Variants in INTS2 observed in about 807,000 individuals in gnomAD.
INTS2 encodes KIAA1287.
Under a neutral mutation model 139.6 loss-of-function variants are expected in INTS2, and 57 were observed. The observed-to-expected ratio is 0.41, with a 90% confidence interval of 0.33 to 0.51. The LOEUF is 0.51. INTS2 is among the 20% of genes least tolerant of loss of function. INTS2 has a pLI of 0.28. For missense variants in INTS2, 1,196 were observed against 1,436.7 expected (o/e 0.83, Z 2.71); for synonymous variants, 473 against 493.4 (o/e 0.96, Z 0.55).
chr17:61,911,893 G>C (rs1415308235), intron 6 of INTS2, 47 bp downstream of exon 6: 1 of 1,580,010 alleles, frequency 6.3e-7, no homozygotes, highest in East Asian at 2.2e-5. Context: ...AAGAGTTCTT[G>C]GACCTAATAT....
rs539808370 is a variant in INTS2, at chr17:61,867,752, T to G, written c.3422-26A>C. On this transcript the variant is annotated intron_variant, in intron 24 of 24. Transcript: ENST00000251334. The surrounding 1 kb of genome is among the most constrained non-coding windows in gnomAD (Gnocchi z 5.6). Reference sequence around the variant, plus strand: ...CTACAACATAAGGGAAAAAAAACATTAAGGCCAAGAAATTTGGAAAGGAAT... The same window carrying G: ...CTACAACATAAGGGAAAAAAAACATGAAGGCCAAGAAATTTGGAAAGGAAT... 2.6e-6 allele frequency: 4 copies of G among 1,565,676 alleles called. No individual in the cohort carries two copies. The African/African-American group carries it at 5.5e-5, about 22-fold the overall frequency.
rs1432692678 is a variant in INTS2, at chr17:61,869,530, G to A, written c.3031-150C>T. The A allele has an allele frequency of 1.2e-6, 1 of 814,128 alleles. No homozygotes were observed. Among genetic ancestry groups the A allele is most frequent in the Non-Finnish European group, 1.9e-6 (1 of 525,324 alleles). The allele number at this position is 814,128 out of a possible 1,614,324, so 50.4% of individuals were successfully genotyped here. ...ATGTAACCTGGCATTTCACTTTTCT[G>A]ATGCACTAGAATAGAGATTAAACTA... On this transcript the variant is annotated intron_variant, in intron 21 of 24. Coordinates refer to ENST00000251334, the MANE Select transcript of INTS2 (RefSeq NM_001351695.2). This position sits in a 1 kb window ranked among gnomAD's most constrained non-coding sequence, Gnocchi z 5.4.
chr17:61,881,234 C>T (rs1042745461), intron 16 of INTS2, 63 bp from the exon 17 acceptor site: 20 of 1,280,694 alleles, frequency 1.6e-5, no homozygotes, highest in Non-Finnish European at 2.2e-5. Context: ...CTTCCCCACC[C>T]CTCTCATTTT....
intron 5 of INTS2, among the ~76,000 whole-genome samples, chr17:61,914,159 C>T (rs567902759): frequency 1.3e-5 from 2 of 150,910 alleles, no homozygotes; most frequent in East Asian, 3.9e-4. Flanking sequence ...AAGATATGGA[C>T]AGATTAAAGA....
intron 16 of INTS2, among the ~76,000 whole-genome samples, chr17:61,884,221 T>A (rs994897246): frequency 5.9e-5 from 9 of 151,886 alleles, no homozygotes; most frequent in African/African-American, 2.2e-4. Flanking sequence ...CCGGGCATGG[T>A]GGCTCACTCC....
At chr17:61,914,859 G>A (rs372419826) in intron 5 of INTS2, among the ~76,000 whole-genome samples, 8 of 150,610 alleles carry the variant, frequency 5.3e-5, no homozygotes, top group African/African-American at 2.0e-4. Flanking sequence ...GCGTGACAGA[G>A]CGAGACACTA....
In INTS2 at chr17:61,867,794, A is replaced by C; in HGVS notation, c.3421+39T>G. The C allele has an allele frequency of 6.4e-7, 1 of 1,560,100 alleles. No individual in the cohort carries two copies. Among genetic ancestry groups the C allele is most frequent in the Non-Finnish European group, 8.7e-7 (1 of 1,155,434 alleles). ...GAAAGGAATTTGGCCTTTTTGTTTGAGATATTAAGATAACCCTTGAAAATA... is the reference window on the plus strand; with the variant it reads ...GAAAGGAATTTGGCCTTTTTGTTTGCGATATTAAGATAACCCTTGAAAATA... On this transcript the variant is annotated intron_variant, in intron 24 of 24. Coordinates refer to ENST00000251334, the MANE Select transcript of INTS2 (RefSeq NM_001351695.2). This position sits in a 1 kb window ranked among gnomAD's most constrained non-coding sequence, Gnocchi z 5.6.
chr17:61,911,609 C>G lies in INTS2; in HGVS notation c.865G>C (p.Asp289His). The change falls in exon 7 of 25, where the codon GAC becomes CAC. Residue 289 changes from aspartate (D) to histidine (H), a missense_variant. Transcript: ENST00000251334. Reference protein sequence around the residue: ...KNEACEDGVSDLVCFVSGLLL... With the variant: ...KNEACEDGVSHLVCFVSGLLL... Reference sequence around the variant, plus strand: ...AAACCACTTACAAAACAAACCAAGTCACTCACTCCATCCTCACAAGCTTCA... The same window carrying G: ...AAACCACTTACAAAACAAACCAAGTGACTCACTCCATCCTCACAAGCTTCA... The G allele has an allele frequency of 6.2e-7, 1 of 1,613,960 alleles. No individual in the cohort carries two copies. The highest frequency in any genetic ancestry group is 2.2e-5 in the East Asian group (1 of 44,888).
At chr17:61,906,378 T>C (rs1345545961) in intron 8 of INTS2, among the ~76,000 whole-genome samples, 1 of 152,216 alleles carries the variant, frequency 6.6e-6, no homozygotes, top group East Asian at 1.9e-4. Flanking sequence ...CTCTGCTATA[T>C]GTACATGAAT....
chr17:61,919,362 C>G (rs1234343342), intron 5 of INTS2, 38 bp downstream of exon 5: 3 of 1,006,124 alleles, frequency 3.0e-6, no homozygotes, highest in Non-Finnish European at 4.6e-6. Context: ...CATGTCCAAG[C>G]AAGTCTTTTC....
Position 61,897,684 on chromosome 17 carries a change from C to A in INTS2, c.1363G>T (p.Glu455Ter). 6.2e-7 allele frequency: 1 copy of A among 1,606,928 alleles called. No homozygotes were observed. Among genetic ancestry groups the A allele is most frequent in the Non-Finnish European group, 8.5e-7 (1 of 1,176,314 alleles). Residue 455 changes from glutamate (E) to a stop codon, truncating the protein, a stop_gained, in exon 10 of 25, where the codon GAA (glutamate) becomes TAA (stop). Coordinates refer to ENST00000251334, the MANE Select transcript of INTS2 (RefSeq NM_001351695.2). LOFTEE classifies it high-confidence loss of function. The surrounding 1 kb of genome is among the most constrained non-coding windows in gnomAD (Gnocchi z 4.4). Reference protein sequence around the residue: ...VVWLSWMIKEEAYFESTSGVS... With the variant: ...VVWLSWMIKE ...TTATCTTACCTCTCAAAATACGCTTCTTCTTTTATCATCCAACTTAGCCAC... is the reference window on the plus strand; with the variant it reads ...TTATCTTACCTCTCAAAATACGCTTATTCTTTTATCATCCAACTTAGCCAC...
chr17:61,896,252 CA>C (rs58993254), intron 11 of INTS2, among the ~76,000 whole-genome samples: 5 of 104,380 alleles, frequency 4.8e-5, no homozygotes, highest in Non-Finnish European at 8.5e-5. Flanking sequence ...AAAAAAAAAA[CA>C]AAAAAAAAAC....
rs781007562 is a variant in INTS2 at position 61,907,536 on chromosome 17, A to C, written c.1053T>G (p.Ile351Met). The C allele has an allele frequency of 4.4e-6, 7 of 1,595,690 alleles. No individual in the cohort carries two copies. In the African/African-American group the frequency reaches 6.7e-5, roughly 15 times the overall value. The stretch of plus-strand genomic sequence containing the variant: ...CCATATCCACATCAGCTTCTTCCAC[A>C]ATTCGGGTGCTTCTTACTGTGGGAA... ...GILPTVRSTR[I>M]VEEADVDMEP... is the part of the protein sequence containing the mutation. The change falls in exon 8 of 25, where the codon ATT becomes ATG. Residue 351 changes from isoleucine to methionine, a missense_variant. By Grantham distance (10) the Ile-to-Met change is conservative. This residue lies in a region of INTS2 where 1,129 missense variants were observed against 1,341.9 expected (regional missense o/e 0.84). Coordinates refer to ENST00000251334, the MANE Select transcript of INTS2 (RefSeq NM_001351695.2).
Position 61,872,063 on chromosome 17 carries a change from AG to A in INTS2, c.2778+201del. 1 of 405,192 alleles carries A rather than the reference AG, an allele frequency of 2.5e-6. No individual in the cohort carries two copies. Among genetic ancestry groups the A allele is most frequent in the Non-Finnish European group, 4.4e-6 (1 of 228,886 alleles). The allele number at this position is 405,192 out of a possible 1,614,324, so 25.1% of individuals were successfully genotyped here. ...AATGGCTATTTCATTCATATCATGA[AG>A]ATTATTCCTGATTTCAGAAATACAA... On this transcript the variant is annotated intron_variant, in intron 20 of 24. Transcript: ENST00000251334. The surrounding 1 kb of genome is among the most constrained non-coding windows in gnomAD (Gnocchi z 4.8).
chr17:61,911,420 A>G, intron 7 of INTS2, 100 bp downstream of exon 7: 2 of 999,326 alleles, frequency 2.0e-6, no homozygotes, highest in South Asian at 5.3e-5. Context: ...AAAGTGTGAG[A>G]ACCACTTGTC....
rs1416264655 is a variant in INTS2 at position 61,889,826 on chromosome 17, C to G, written c.1944G>C (p.Leu648=). The G allele has an allele frequency of 1.2e-5, 19 of 1,611,008 alleles. No homozygotes were observed. The highest frequency in any genetic ancestry group is 1.6e-5 in the Non-Finnish European group (19 of 1,177,770). The change falls in exon 15 of 25, where the codon CTG becomes CTC. Residue 648 remains leucine, a synonymous_variant. Coordinates refer to ENST00000251334, the MANE Select transcript of INTS2 (RefSeq NM_001351695.2). ...TAQLLVLYYI[L]SYEEALLANT... ...TTGCTAGAAGAGCCTCTTCATAAGA[C>G]AGTATATAGTAGAGCACCAAAAGCT...
Position 61,867,129 on chromosome 17 carries a change from T to C in INTS2, c.*428A>G, listed in dbSNP as rs996583899. 2 of 152,726 alleles carry C rather than the reference T, an allele frequency of 1.3e-5. No individual in the cohort carries two copies. Among genetic ancestry groups the C allele is most frequent in the African/African-American group, 4.8e-5 (2 of 41,484 alleles). 9.5% of individuals were successfully genotyped at this position (152,726 alleles called of 1,614,324 possible). On this transcript the variant is annotated 3_prime_UTR_variant, in exon 25 of 25. Transcript: ENST00000251334. This position sits in a 1 kb window ranked among gnomAD's most constrained non-coding sequence, Gnocchi z 5.6. Reference sequence around the variant, plus strand: ...AATTCTCCTTTCCCTTTACCCTTTTTTCCTCTCCCATCTTTGCATCTTTGT... The same window carrying C: ...AATTCTCCTTTCCCTTTACCCTTTTCTCCTCTCCCATCTTTGCATCTTTGT...
Position 61,911,685 on chromosome 17 carries a change from T to C in INTS2, c.789A>G (p.Glu263=), listed in dbSNP as rs2079527825. Residue 263 remains glutamate, a synonymous_variant, in exon 7 of 25, where the codon GAA becomes GAG. Transcript: ENST00000251334. The part of the protein sequence containing the change: ...ALKVRGMVVE[E]CHLPGLGVAL... ...CCACACCAAGGCCTGGCAAGTGACA[T>C]TCTTCCACCTAGCACAGAAAAGAAA... The C allele has an allele frequency of 1.2e-6, 2 of 1,613,104 alleles. No homozygotes were observed. The highest frequency in any genetic ancestry group is 1.7e-6 in the Non-Finnish European group (2 of 1,179,468).
chr17:61,893,944 A>G lies in INTS2; in HGVS notation c.1564-45T>C. 1.5e-6 allele frequency: 2 copies of G among 1,367,544 alleles called. No homozygotes were observed. The highest frequency in any genetic ancestry group is 2.0e-6 in the Non-Finnish European group (2 of 1,010,844). The allele number at this position is 1,367,544 out of a possible 1,614,324, so 84.7% of individuals were successfully genotyped here. ...TTAGTAATATAATAGAACTAAATAT[A>G]AAATTATTTTGAAAGAGAGATTAGT... On this transcript the variant is annotated intron_variant, in intron 12 of 24. Transcript: ENST00000251334. The surrounding 1 kb of genome is among the most constrained non-coding windows in gnomAD (Gnocchi z 5.4).
Sources: gnomAD v4.1 joint callset for allele counts (sites outside exome capture counted in the v4.1 genomes callset) on GRCh38, gnomAD v4.1.1 for gene constraint, gnomAD v4.1.1 regional missense constraint, Gnocchi (gnomAD v3.1) non-coding constraint, MANE v1.5 for transcripts, NCBI Gene and HGNC (gene_info 2026-07-23, HGNC 2026-07-21) for gene names.